The following AMMECR1 variants were observed in gnomAD, a reference collection of about 807,000 sequenced individuals.
The protein encoded by AMMECR1 is nuclear protein AMMECR1.
Under a neutral mutation model 22.5 loss-of-function variants are expected in AMMECR1, and 3 were observed. That is an observed-to-expected ratio of 0.13 (90% CI 0.06 to 0.35). AMMECR1 has a LOEUF of 0.35. Among genes scored for constraint, AMMECR1 ranks in the 10% least tolerant of loss-of-function variants. AMMECR1 has a pLI of 1.00. For synonymous variants in AMMECR1, 130 were observed against 116.7 expected (o/e 1.11, Z -0.74); for missense variants, 235 against 278.7 (o/e 0.84, Z 1.12).
At chrX:110,237,837 C>T (rs2067609577) in intron 2 of AMMECR1, among the ~76,000 whole-genome samples, 2 of 112,162 alleles carry the variant, frequency 1.8e-5, no homozygotes, top group African/African-American at 6.5e-5. Context: ...ACAAGCTCTT[C>T]ATAACAGAAT....
intron 2 of AMMECR1, among the ~76,000 whole-genome samples, chrX:110,242,531 A>G (rs2067638658): frequency 8.9e-6 from 1 of 112,087 alleles, no homozygotes; most frequent in African/African-American, 3.2e-5. Flanking sequence ...TGGGTTAATC[A>G]TATTTGTCAT....
chrX:110,352,627 A>T (rs976511811), intron 2 of AMMECR1, among the ~76,000 whole-genome samples: 3 of 111,756 alleles, frequency 2.7e-5, no homozygotes. Flanking sequence ...TCTAAAATTA[A>T]TTATGGTGAT....
chrX:110,381,480 G>A (rs1217107968), intron 2 of AMMECR1, among the ~76,000 whole-genome samples: 1 of 112,003 alleles, frequency 8.9e-6, no homozygotes, highest in Admixed American at 9.4e-5. Context: ...TGGTGGCAAT[G>A]TAAGTTAGTT....
intron 3 of AMMECR1, among the ~76,000 whole-genome samples, chrX:110,205,135 A>G (rs760837059): frequency 3.6e-5 from 4 of 111,824 alleles, no homozygotes; most frequent in Non-Finnish European, 7.5e-5. Context: ...TCTTAACAAA[A>G]TCATAGTAGC....
At chrX:110,438,565 G>A (rs1248362247) in intron 1 of AMMECR1, among the ~76,000 whole-genome samples, 7 of 111,439 alleles carry the variant, frequency 6.3e-5, no homozygotes, top group African/African-American at 9.8e-5. Context: ...AATTACCAAG[G>A]ACCAAGCAAA....
At chrX:110,225,270 T>C in intron 2 of AMMECR1, among the ~76,000 whole-genome samples, 1 of 112,495 alleles carries the variant, frequency 8.9e-6, no homozygotes, top group East Asian at 2.8e-4. Flanking sequence ...TGACATCTTG[T>C]CAGATTTGAT....
chrX:110,405,408 T>C (rs2068594712), intron 2 of AMMECR1, among the ~76,000 whole-genome samples: 2 of 111,156 alleles, frequency 1.8e-5, no homozygotes, highest in African/African-American at 6.6e-5. Context: ...GGAGAAGGTA[T>C]GGAACTTTTG....
upstream of AMMECR1, among the ~76,000 whole-genome samples, chrX:110,321,491 G>GA (rs1163859092): frequency 4.5e-5 from 5 of 111,353 alleles, no homozygotes; most frequent in Admixed American, 3.8e-4. Flanking sequence ...TACAACTGTG[G>GA]AAAAAAATAC....
At chrX:110,379,284 G>A (rs988747360) in intron 2 of AMMECR1, among the ~76,000 whole-genome samples, 4 of 111,868 alleles carry the variant, frequency 3.6e-5, no homozygotes, top group African/African-American at 1.3e-4. Context: ...TCTGATATTA[G>A]TTCTTTCTCC....
Position 110,318,050 on chromosome X carries a change from C to A in AMMECR1, c.22G>T (p.Val8Leu), listed in dbSNP as rs765265895. 8.3e-7 allele frequency: 1 copy of A among 1,203,233 alleles called. No individual in the cohort carries two copies. The highest frequency in any genetic ancestry group is 1.1e-6 in the Non-Finnish European group (1 of 892,286). The change falls in exon 1 of 6, where the codon GTG (valine) becomes TTG (leucine). Residue 8 changes from valine (V) to leucine (L), a missense_variant. Val to Leu is a conservative substitution (Grantham distance 32). This residue lies in a region of AMMECR1 where 124 missense variants were observed against 97.0 expected (regional missense o/e 1.28). Coordinates refer to ENST00000262844, the MANE Select transcript of AMMECR1 (RefSeq NM_015365.3). ...GAACTGGACAGTTTCTGCTTCTTCA[C>A]CCCGCAGCAACCCGCCGCCATCTTG... MAAGCCG[V>L]KKQKLSSSPP...
chrX:110,201,144 C>T, intron 4 of AMMECR1, 94 bp from the exon 5 acceptor site: 1 of 497,954 alleles, frequency 2.0e-6, no homozygotes, highest in Non-Finnish European at 3.3e-6. Flanking sequence ...TCAGCTATCA[C>T]TGTCACCAAA....
rs2067710758 is a variant in AMMECR1 at position 110,256,300 on chromosome X, A to G, written c.584+8189T>C. ...TAAAGTATTATAATCTTATGGGACC[A>G]CTGTTGTATATGCAGTCCACTGTTG... On this transcript the variant is annotated intron_variant, in intron 2 of 5. Transcript: ENST00000262844. Among the ~76,000 whole-genome samples, 4 of 111,945 alleles carry G rather than the reference A, an allele frequency of 3.6e-5. No homozygotes were observed. In the Admixed American group the frequency reaches 3.8e-4, roughly 11 times the overall value.
intron 2 of AMMECR1, among the ~76,000 whole-genome samples, chrX:110,381,194 G>A (rs749287381): frequency 9.0e-6 from 1 of 111,719 alleles, no homozygotes; most frequent in East Asian, 2.8e-4. Flanking sequence ...TCCAACAAAG[G>A]ACTAATATCC....
chrX:110,377,316 A>G (rs2068383677), intron 2 of AMMECR1, among the ~76,000 whole-genome samples: 1 of 111,616 alleles, frequency 9.0e-6, no homozygotes, highest in Non-Finnish European at 1.9e-5. Flanking sequence ...AAACCCCACC[A>G]TCCCACCTCT....
intron 1 of AMMECR1, among the ~76,000 whole-genome samples, chrX:110,288,476 G>A (rs2067892051): frequency 8.9e-6 from 1 of 112,097 alleles, no homozygotes; most frequent in South Asian, 3.7e-4. Context: ...TCAAGAGTCA[G>A]ATTGTGCGCT....
At chrX:110,346,898 G>T in intron 2 of AMMECR1, 1 of 607,831 alleles carries the variant, frequency 1.6e-6, no homozygotes, top group Non-Finnish European at 2.9e-6. Context: ...CGACGCTGGA[G>T]AAGCCAGACA....
At chrX:110,336,107 GA>G (rs2068140129) in intron 2 of AMMECR1, among the ~76,000 whole-genome samples, 1 of 111,646 alleles carries the variant, frequency 9.0e-6, no homozygotes, top group African/African-American at 3.3e-5. Flanking sequence ...GAAAAGCTGT[GA>G]AAAATCTCTC....
chrX:110,202,604 T>A, intron 3 of AMMECR1, 68 bp from the exon 4 acceptor site: 1 of 727,172 alleles, frequency 1.4e-6, no homozygotes, highest in Non-Finnish European at 2.1e-6. Context: ...GGTTATAATT[T>A]AACTTTCAAG....
chrX:110,384,014 C>A (rs780416736), intron 2 of AMMECR1, among the ~76,000 whole-genome samples: 110 of 112,131 alleles, frequency 9.8e-4, no homozygotes, highest in African/African-American at 3.5e-3. Flanking sequence ...CAGAACCTGA[C>A]ACATTGCAAA....
Sources: gnomAD v4.1 joint callset for allele counts (sites outside exome capture counted in the v4.1 genomes callset) on GRCh38, gnomAD v4.1.1 for gene constraint, gnomAD v4.1.1 regional missense constraint, MANE v1.5 for transcripts, NCBI Gene and HGNC (gene_info 2026-07-23, HGNC 2026-07-21) for gene names.